The following SEPTIN9 variants were observed in gnomAD, a reference collection of about 807,000 sequenced individuals.
SEPTIN9 encodes the protein septin-9.
A neutral mutation model predicts 56.6 loss-of-function variants in SEPTIN9; 13 were observed. That is an observed-to-expected ratio of 0.23 (90% CI 0.15 to 0.37). The LOEUF is 0.37. Among genes scored for constraint, SEPTIN9 ranks in the 10% least tolerant of loss-of-function variants. The pLI, the probability that SEPTIN9 is intolerant of heterozygous loss-of-function variation, is 1.00. For missense variants in SEPTIN9, 650 were observed against 823.1 expected (o/e 0.79, Z 2.57); for synonymous variants, 332 against 334.1 (o/e 0.99, Z 0.07).
intron 2 of SEPTIN9, among the ~76,000 whole-genome samples, chr17:77,393,468 GACCAC>G (rs1426920290): frequency 1.3e-5 from 2 of 152,124 alleles, no homozygotes; most frequent in Non-Finnish European, 2.9e-5. Context: ...CCAGCAAGGT[GACCAC>G]ACATTTCAGC....
intron 10 of SEPTIN9, among the ~76,000 whole-genome samples, chr17:77,496,545 T>C (rs563304320): frequency 6.6e-6 from 1 of 152,300 alleles, no homozygotes; most frequent in Non-Finnish European, 1.5e-5. Flanking sequence ...CGCGTGTTCA[T>C]ATAGGAGTTA....
At chr17:77,457,044 G>A (rs1230349090) in intron 3 of SEPTIN9, among the ~76,000 whole-genome samples, 2 of 152,200 alleles carry the variant, frequency 1.3e-5, no homozygotes, top group African/African-American at 4.8e-5. Flanking sequence ...TCCTCTACTT[G>A]TCTTCTTGAA....
chr17:77,315,439 C>A (rs938614716), intron 2 of SEPTIN9, among the ~76,000 whole-genome samples: 3 of 152,170 alleles, frequency 2.0e-5, no homozygotes, highest in African/African-American at 7.2e-5. Flanking sequence ...AGGCATGCGC[C>A]ACCATGCCCA....
intron 3 of SEPTIN9, among the ~76,000 whole-genome samples, chr17:77,464,074 T>G (rs1011528206): frequency 1.3e-5 from 2 of 152,142 alleles, no homozygotes; most frequent in African/African-American, 4.8e-5. Context: ...TTTTTTTTCT[T>G]TTTAATTTTT....
intron 3 of SEPTIN9, among the ~76,000 whole-genome samples, chr17:77,465,486 G>A (rs1386569012): frequency 6.6e-6 from 1 of 152,198 alleles, no homozygotes; most frequent in Non-Finnish European, 1.5e-5. Context: ...ATTTCTCTGT[G>A]CTGTGCTCTG....
At position 77,402,109 on chromosome 17, in the gene SEPTIN9, C is replaced by G. The variant is rs750772174; in HGVS notation, c.127C>G (p.Pro43Ala). 6.2e-7 allele frequency: 1 copy of G among 1,613,952 alleles called. No homozygotes were observed. Among genetic ancestry groups the G allele is most frequent in the Non-Finnish European group, 8.5e-7 (1 of 1,179,854 alleles). Residue 43 changes from proline (P) to alanine (A), a missense_variant, in exon 3 of 12, where the codon CCA (proline) becomes GCA (alanine). Pro to Ala is a conservative substitution (Grantham distance 27). Around this residue, in one of 2 missense-constraint regions of SEPTIN9, gnomAD observed 317 missense variants for 329.1 expected, o/e 0.96. Transcript: ENST00000427177. The surrounding 1 kb of genome is among the most constrained non-coding windows in gnomAD (Gnocchi z 6.6). Reference protein sequence around the residue: ...VEEVETPNSTPPRRVQTPLLR... With the variant: ...VEEVETPNSTAPRRVQTPLLR... ...GGAGGTCGAGACACCCAACTCCACC[C>G]CACCCCGGAGGGTCCAGACTCCCCT... is the stretch of plus-strand genomic sequence containing the variant.
intron 2 of SEPTIN9, among the ~76,000 whole-genome samples, chr17:77,350,475 G>C (rs1752770050): frequency 6.6e-6 from 1 of 152,204 alleles, no homozygotes; most frequent in African/African-American, 2.4e-5. Flanking sequence ...CGAGAGAGAG[G>C]AGAGAGAGTG....
chr17:77,284,623 T>G (rs565585660), intron 1 of SEPTIN9, among the ~76,000 whole-genome samples: 1 of 152,204 alleles, frequency 6.6e-6, no homozygotes, highest in East Asian at 1.9e-4. Context: ...TGGTGTTTTT[T>G]AATTTTATTT....
chr17:77,319,131 G>C lies in SEPTIN9; in HGVS notation c.76+11934G>C, dbSNP rs1031980287. ...ACAAACACACATTCTCTTTAAACAGGCTTGGGCCAACAGAACCAGCCTCCG... is the reference window on the plus strand; with the variant it reads ...ACAAACACACATTCTCTTTAAACAGCCTTGGGCCAACAGAACCAGCCTCCG... On this transcript the variant is annotated intron_variant, in intron 2 of 11. Transcript: ENST00000427177. This position sits in a 1 kb window ranked among gnomAD's most constrained non-coding sequence, Gnocchi z 5.3. 3.9e-5 allele frequency among the ~76,000 whole-genome samples: 6 copies of C among 152,160 alleles called. No homozygotes were observed. The highest frequency in any genetic ancestry group is 5.9e-5 in the Non-Finnish European group (4 of 68,026).
chr17:77,449,422 G>T lies in SEPTIN9; in HGVS notation c.722-32722G>T, dbSNP rs1431388464. On this transcript the variant is annotated intron_variant, in intron 3 of 11. Transcript: ENST00000427177. This position sits in a 1 kb window ranked among gnomAD's most constrained non-coding sequence, Gnocchi z 4.6. ...AGCTCAGGAATCCAGAGGCAGAGGAGGGGAGGAGGCTGGGCTTGGAGGAGA... is the reference window on the plus strand; with the variant it reads ...AGCTCAGGAATCCAGAGGCAGAGGATGGGAGGAGGCTGGGCTTGGAGGAGA... Among the ~76,000 whole-genome samples the T allele has an allele frequency of 6.6e-6, 1 of 152,188 alleles. No individual in the cohort carries two copies. Among genetic ancestry groups the T allele is most frequent in the African/African-American group, 2.4e-5 (1 of 41,432 alleles).
intron 3 of SEPTIN9, among the ~76,000 whole-genome samples, chr17:77,452,619 C>T (rs1272320838): frequency 6.6e-6 from 1 of 152,062 alleles, no homozygotes; most frequent in Non-Finnish European, 1.5e-5. Flanking sequence ...GGAGACAGCA[C>T]CTGCTGGATC....
rs2034599783 is a variant in SEPTIN9 at position 77,367,292 on chromosome 17, G to C, written c.77-34767G>C. Among the ~76,000 whole-genome samples, 1 of 152,218 alleles carries C rather than the reference G, an allele frequency of 6.6e-6. No individual in the cohort carries two copies. Among genetic ancestry groups the C allele is most frequent in the Non-Finnish European group, 1.5e-5 (1 of 68,032 alleles). On this transcript the variant is annotated intron_variant, in intron 2 of 11. Transcript: ENST00000427177. The surrounding 1 kb of genome is among the most constrained non-coding windows in gnomAD (Gnocchi z 4.5). ...TGATCCTGGGCATGTCGAGGCTGGAGCAGGTCTGCTTGGTGGCTGGCAGAA... is the reference window on the plus strand; with the variant it reads ...TGATCCTGGGCATGTCGAGGCTGGACCAGGTCTGCTTGGTGGCTGGCAGAA...
intron 2 of SEPTIN9, among the ~76,000 whole-genome samples, chr17:77,316,172 C>T (rs2032696317): frequency 6.6e-6 from 1 of 152,214 alleles, no homozygotes; most frequent in Non-Finnish European, 1.5e-5. Flanking sequence ...GCGGGGGATC[C>T]ACCGCAGGGG....
At chr17:77,398,979 G>A (rs2035815656) in intron 2 of SEPTIN9, among the ~76,000 whole-genome samples, 1 of 152,214 alleles carries the variant, frequency 6.6e-6, no homozygotes, top group South Asian at 2.1e-4. Context: ...TTGAAAGAGA[G>A]GAGAGGATGG....
intron 2 of SEPTIN9, among the ~76,000 whole-genome samples, chr17:77,399,123 A>T (rs2035820789): frequency 6.6e-6 from 1 of 152,212 alleles, no homozygotes. Flanking sequence ...CCGCTTGTGC[A>T]CGTGGGCCTG....
At chr17:77,468,037 G>T (rs569383187) in intron 3 of SEPTIN9, among the ~76,000 whole-genome samples, 1 of 152,000 alleles carries the variant, frequency 6.6e-6, no homozygotes, top group African/African-American at 2.4e-5. Flanking sequence ...AGGCAGAGGC[G>T]GGCGGATTAC....
chr17:77,412,056 G>A (rs2144155480), intron 3 of SEPTIN9, among the ~76,000 whole-genome samples: 1 of 149,584 alleles, frequency 6.7e-6, no homozygotes, highest in South Asian at 2.1e-4. Flanking sequence ...CTTGAACCCA[G>A]CAGGCAGAGG....
intron 3 of SEPTIN9, among the ~76,000 whole-genome samples, chr17:77,424,868 G>A (rs1386785060): frequency 6.6e-6 from 1 of 152,220 alleles, no homozygotes; most frequent in African/African-American, 2.4e-5. Flanking sequence ...GGCACTGAGT[G>A]TGTGGACTCA....
intron 3 of SEPTIN9, among the ~76,000 whole-genome samples, chr17:77,443,701 G>C (rs1217448926): frequency 6.6e-6 from 1 of 152,016 alleles, no homozygotes; most frequent in Non-Finnish European, 1.5e-5. Flanking sequence ...GGAGGCTGTG[G>C]CAGAAGAATC....
Sources: gnomAD v4.1 joint callset for allele counts (sites outside exome capture counted in the v4.1 genomes callset) on GRCh38, gnomAD v4.1.1 for gene constraint, gnomAD v4.1.1 regional missense constraint, Gnocchi (gnomAD v3.1) non-coding constraint, MANE v1.5 for transcripts, NCBI Gene and HGNC (gene_info 2026-07-23, HGNC 2026-07-21) for gene names.